RCAN1: variants seen among roughly 807,000 people sequenced by gnomAD.
The protein encoded by RCAN1 is regulator of calcineurin 1, also known as calcipressin-1.
In RCAN1, 11 loss-of-function variants were observed where a neutral mutation model predicts 22.9. The ratio of observed to expected loss-of-function variants is 0.48; its 90% confidence interval spans 0.30 to 0.79. The LOEUF is 0.79. Among genes scored for constraint, RCAN1 ranks in the 30% least tolerant of loss-of-function variants. The probability of loss-of-function intolerance (pLI) is 0.06; values close to 1 mark genes in which losing one functional copy is unlikely to be tolerated. For synonymous variants in RCAN1, 136 were observed against 142.3 expected, an observed-to-expected ratio of 0.96 and a Z score of 0.32; for missense variants, 291 against 337.8, an observed-to-expected ratio of 0.86 and a Z score of 1.09.
intron 1 of RCAN1, among the ~76,000 whole-genome samples, chr21:34,528,836 TA>T (rs1233761662): frequency 1.3e-5 from 2 of 152,316 alleles, no homozygotes; most frequent in Admixed American, 6.5e-5. Context: ...TTTTCTCTTT[TA>T]AAATCATGAC....
chr21:34,566,652 T>G lies in RCAN1; in HGVS notation c.253-42942A>C, dbSNP rs192626861. On this transcript the variant is annotated intron_variant, in intron 1 of 3. Transcript: ENST00000313806. ...GGTTTTTGTGTTGGTCCCTGCTGTG[T>G]TGCTCTCAGGGAATACCTGAGACTG... is the stretch of plus-strand genomic sequence containing the variant. Among the ~76,000 whole-genome samples, 55 of 152,260 alleles carry G rather than the reference T, an allele frequency of 3.6e-4. No individual in the cohort carries two copies. In the South Asian group the frequency reaches 5.0e-3, roughly 14 times the overall value.
chr21:34,568,675 G>A (rs1020652834), intron 1 of RCAN1, among the ~76,000 whole-genome samples: 1 of 152,218 alleles, frequency 6.6e-6, no homozygotes, highest in African/African-American at 2.4e-5. Flanking sequence ...ATGAATTGCT[G>A]GGGCAGAACC....
chr21:34,523,747 T>G, intron 1 of RCAN1, 37 bp from the exon 2 acceptor site: 1 of 1,562,176 alleles, frequency 6.4e-7, no homozygotes, highest in East Asian at 2.2e-5. Flanking sequence ...GAGTTGAAAT[T>G]TACCTGCATA....
intron 1 of RCAN1, among the ~76,000 whole-genome samples, chr21:34,591,221 A>C (rs1987963000): frequency 6.6e-6 from 1 of 152,212 alleles, no homozygotes; most frequent in Admixed American, 6.5e-5. Flanking sequence ...ACCCCTGCCC[A>C]CATGCTGTCC....
At chr21:34,541,888 T>C (rs35576090) in intron 1 of RCAN1, among the ~76,000 whole-genome samples, 36,341 of 151,992 alleles carry the variant, frequency 0.24, 5,046 homozygotes, top group African/African-American at 0.38. Flanking sequence ...GAGCTCAGAT[T>C]GCGCCACTGC....
chr21:34,590,544 T>C (rs1987937232), intron 1 of RCAN1, among the ~76,000 whole-genome samples: 1 of 152,252 alleles, frequency 6.6e-6, no homozygotes, highest in Non-Finnish European at 1.5e-5. Context: ...CTGCATCTCC[T>C]GAAGTGAGTG....
At chr21:34,609,284 G>A (rs1988622467) in intron 1 of RCAN1, among the ~76,000 whole-genome samples, 1 of 152,178 alleles carries the variant, frequency 6.6e-6, no homozygotes, top group Non-Finnish European at 1.5e-5. Flanking sequence ...ATGGTGATTA[G>A]TATTTACAAA....
At chr21:34,571,962 GT>G (rs1428103599) in intron 1 of RCAN1, among the ~76,000 whole-genome samples, 1 of 152,196 alleles carries the variant, frequency 6.6e-6, no homozygotes, top group African/African-American at 2.4e-5. Context: ...CACCACTAGT[GT>G]AATTGGTTTA....
At chr21:34,543,196 C>T (rs1985995181) in intron 1 of RCAN1, among the ~76,000 whole-genome samples, 1 of 152,208 alleles carries the variant, frequency 6.6e-6, no homozygotes, top group Non-Finnish European at 1.5e-5. Flanking sequence ...GTCCCTGGAG[C>T]TTGTAAATAT....
chr21:34,532,644 A>C (rs1241121875), intron 1 of RCAN1, among the ~76,000 whole-genome samples: 1 of 152,236 alleles, frequency 6.6e-6, no homozygotes, highest in Admixed American at 6.5e-5. Context: ...ACATAGAACT[A>C]AAAACTAGTT....
chr21:34,551,659 G>A (rs1232189433), intron 1 of RCAN1, among the ~76,000 whole-genome samples: 1 of 152,100 alleles, frequency 6.6e-6, no homozygotes, highest in African/African-American at 2.4e-5. Context: ...AAAGAATTCT[G>A]AAGTCTCCCA....
chr21:34,520,460 A>C (rs1171899088), intron 3 of RCAN1, among the ~76,000 whole-genome samples: 1 of 152,218 alleles, frequency 6.6e-6, no homozygotes, highest in Non-Finnish European at 1.5e-5. Flanking sequence ...GCAGTAAGTA[A>C]TGTGAGTCTT....
chr21:34,593,605 G>A (rs1271386693), intron 1 of RCAN1, among the ~76,000 whole-genome samples: 1 of 152,212 alleles, frequency 6.6e-6, no homozygotes, highest in African/African-American at 2.4e-5. Flanking sequence ...GGGGCAGCCT[G>A]GCTCGGAACA....
Position 34,606,377 on chromosome 21 carries a change from T to C in RCAN1, c.252+8383A>G, listed in dbSNP as rs142728315. Among the ~76,000 whole-genome samples the C allele has an allele frequency of 9.3e-4, 142 of 152,324 alleles. No individual in the cohort carries two copies. In the East Asian group the frequency reaches 0.026, roughly 28 times the overall value. ...ACTTTCTCTAATAAATCTGGCTTTC[T>C]TTACCTGCAACTGTCTTGGTAAATT... is the stretch of plus-strand genomic sequence containing the variant. On this transcript the variant is annotated intron_variant, in intron 1 of 3. Coordinates refer to ENST00000313806, the MANE Select transcript of RCAN1 (RefSeq NM_004414.7).
chr21:34,561,734 A>G (rs913361924), intron 1 of RCAN1, among the ~76,000 whole-genome samples: 2 of 152,244 alleles, frequency 1.3e-5, no homozygotes, highest in African/African-American at 4.8e-5. Flanking sequence ...ATCCATGCAC[A>G]GTGTCAATGC....
intron 1 of RCAN1, among the ~76,000 whole-genome samples, chr21:34,578,836 T>A (rs1309387576): frequency 2.0e-5 from 3 of 152,164 alleles, no homozygotes; most frequent in Non-Finnish European, 4.4e-5. Flanking sequence ...GCCACTCGGT[T>A]GGGCTGTGGT....
At chr21:34,537,987 G>C (rs761068488) in intron 1 of RCAN1, among the ~76,000 whole-genome samples, 7 of 152,188 alleles carry the variant, frequency 4.6e-5, no homozygotes, top group Admixed American at 1.3e-4. Context: ...TTATAGCGAC[G>C]ATCTTGATTC....
At chr21:34,596,002 C>T (rs1988138993) in intron 1 of RCAN1, among the ~76,000 whole-genome samples, 1 of 152,244 alleles carries the variant, frequency 6.6e-6, no homozygotes, top group Admixed American at 6.5e-5. Flanking sequence ...TGGAGGTCAC[C>T]TGCCCTTGAA....
chr21:34,546,745 A>T (rs1404766359), intron 1 of RCAN1, among the ~76,000 whole-genome samples: 1 of 152,200 alleles, frequency 6.6e-6, no homozygotes, highest in Non-Finnish European at 1.5e-5. Flanking sequence ...TTAGAATAGC[A>T]ATGGGTTTTT....
Sources: gnomAD v4.1 joint callset for allele counts (sites outside exome capture counted in the v4.1 genomes callset) on GRCh38, gnomAD v4.1.1 for gene constraint, MANE v1.5 for transcripts, NCBI Gene and HGNC (gene_info 2026-07-23, HGNC 2026-07-21) for gene names.